The following SIMC1 variants were observed in gnomAD, a reference collection of about 807,000 sequenced individuals.
The protein encoded by SIMC1 is SUMO interacting motifs containing 1.
Under a neutral mutation model 82.3 loss-of-function variants are expected in SIMC1, and 55 were observed. The observed-to-expected ratio is 0.67, with a 90% CI of 0.54 to 0.84. The LOEUF is 0.84. SIMC1 is among the 40% of genes least tolerant of loss of function. The probability of loss-of-function intolerance (pLI) is 0.00; values close to 1 mark genes in which losing one functional copy is unlikely to be tolerated. For missense variants in SIMC1, 915 were observed against 1,107.2 expected (o/e 0.83, Z 2.46); for synonymous variants, 353 against 426.3 (o/e 0.83, Z 2.12).
chr5:176,264,590 C>T (rs990061439), intron 1 of SIMC1, among the ~76,000 whole-genome samples: 19 of 151,666 alleles, frequency 1.3e-4, no homozygotes, highest in Non-Finnish European at 2.2e-4. Flanking sequence ...GGCCTCTAGG[C>T]CTTTTTCCCA....
rs559129037 is a variant in SIMC1 at position 176,284,494 on chromosome 5, A to G, written c.130-5160A>G. Among the ~76,000 whole-genome samples the G allele has an allele frequency of 3.7e-3, 561 of 152,346 alleles. 3 individuals are homozygous for G. The highest frequency in any genetic ancestry group is 0.013 in the African/African-American group (533 of 41,584). On this transcript the variant is annotated intron_variant, in intron 1 of 9. Coordinates refer to ENST00000429602, the MANE Select transcript of SIMC1 (RefSeq NM_001308195.2). ...AAACCAATGAGAACAAAGACACAACATACCAGAATCTCTGGGATACATTTA... is the reference window on the plus strand; with the variant it reads ...AAACCAATGAGAACAAAGACACAACGTACCAGAATCTCTGGGATACATTTA...
At chr5:176,253,658 G>T (rs1761763688) in intron 1 of SIMC1, among the ~76,000 whole-genome samples, 1 of 152,128 alleles carries the variant, frequency 6.6e-6, no homozygotes, top group African/African-American at 2.4e-5. Context: ...GAGGTTTGGA[G>T]GGAGTAGCTC....
intron 5 of SIMC1, among the ~76,000 whole-genome samples, chr5:176,318,869 G>A (rs1765031414): frequency 6.6e-6 from 1 of 152,202 alleles, no homozygotes; most frequent in Non-Finnish European, 1.5e-5. Flanking sequence ...CACTTTGGGA[G>A]GCCGAGGTGG....
intron 5 of SIMC1, among the ~76,000 whole-genome samples, chr5:176,317,303 TTTTC>T (rs1370958357): frequency 6.6e-6 from 1 of 152,214 alleles, no homozygotes; most frequent in Non-Finnish European, 1.5e-5. Flanking sequence ...AGGGATTTTC[TTTTC>T]TTTCTTTCAT....
At position 176,313,846 on chromosome 5, in the gene SIMC1, G is replaced by T; in HGVS notation, c.1889+1G>T. 5.6e-6 allele frequency: 9 copies of T among 1,613,234 alleles called. No individual in the cohort carries two copies. Among genetic ancestry groups the T allele is most frequent in the Non-Finnish European group, 7.6e-6 (9 of 1,179,824 alleles). ...GTGACAAGCAGCCCCACAATGTCAG[G>T]TAAGCAGCCACCTGAGCCCTCGGAT... On this transcript the variant is annotated splice_donor_variant, in intron 5 of 9. Transcript: ENST00000429602. LOFTEE classifies it high-confidence loss of function.
rs146566202 is a variant in SIMC1 at position 176,291,628 on chromosome 5, G to A, written c.1431+673G>A. On this transcript the variant is annotated intron_variant, in intron 2 of 9. Transcript: ENST00000429602. ...TAGGATTACAGGCGTGAGCCACCGC[G>A]CCTGGCACGCCCGGCTAATTTTTTG... Among the ~76,000 whole-genome samples the A allele has an allele frequency of 4.6e-5, 7 of 151,696 alleles. No homozygotes were observed. The East Asian group carries it at 9.8e-4, about 21-fold the overall frequency.
chr5:176,316,174 C>T (rs1003506325), intron 5 of SIMC1, among the ~76,000 whole-genome samples: 11 of 151,784 alleles, frequency 7.2e-5, no homozygotes, highest in African/African-American at 2.7e-4. Context: ...GACTCTGTCT[C>T]AAAAGCAAAT....
Position 176,337,080 on chromosome 5 carries a change from C to T in SIMC1, c.2347C>T (p.Gln783Ter), listed in dbSNP as rs1765933726. The change falls in exon 9 of 10, where the codon CAG (glutamine) becomes TAG (stop). Residue 783 changes from glutamine to a stop codon, truncating the protein, a stop_gained. Coordinates refer to ENST00000429602, the MANE Select transcript of SIMC1 (RefSeq NM_001308195.2). LOFTEE classifies it high-confidence loss of function. ...TCTGCAGTCAGATAAAAGCCAGTGG[C>T]AGACTTGGGACGAATTGGTTGAGCA... ...LKCQSDKSQWQTWDELVEHLQ... is the reference protein window; with the variant it reads ...LKCQSDKSQW 1 of 1,613,866 alleles carries T rather than the reference C, an allele frequency of 6.2e-7. No individual in the cohort carries two copies. The highest frequency in any genetic ancestry group is 1.3e-5 in the African/African-American group (1 of 74,920).
At chr5:176,322,737 C>T (rs1472739637) in intron 6 of SIMC1, 4 of 239,388 alleles carry the variant, frequency 1.7e-5, no homozygotes, top group Admixed American at 5.0e-5. Flanking sequence ...AGGGTTACAG[C>T]TCCTCATCAC....
chr5:176,294,243 G>A (rs1020090703), intron 2 of SIMC1, among the ~76,000 whole-genome samples: 3 of 151,828 alleles, frequency 2.0e-5, no homozygotes, highest in Non-Finnish European at 4.4e-5. Flanking sequence ...CTTTATATGA[G>A]CTTTTTCCCA....
At chr5:176,344,837 A>G (rs542999409) in intron 9 of SIMC1, among the ~76,000 whole-genome samples, 35 of 152,322 alleles carry the variant, frequency 2.3e-4, no homozygotes, top group African/African-American at 8.2e-4. Context: ...TTTATTCATG[A>G]TCATACTCAT....
chr5:176,320,006 T>G (rs1293458420), intron 5 of SIMC1, among the ~76,000 whole-genome samples: 2 of 152,226 alleles, frequency 1.3e-5, no homozygotes, highest in Non-Finnish European at 2.9e-5. Flanking sequence ...ATTTCTCATT[T>G]CTAAGAAAAT....
At chr5:176,303,867 G>T (rs185655789) in intron 4 of SIMC1, among the ~76,000 whole-genome samples, 109 of 152,244 alleles carry the variant, frequency 7.2e-4, no homozygotes, top group Non-Finnish European at 1.4e-3. Flanking sequence ...ACTTGCAAAA[G>T]AATGAAGTTG....
chr5:176,328,287 G>T (rs1765477904), intron 7 of SIMC1, among the ~76,000 whole-genome samples: 1 of 151,950 alleles, frequency 6.6e-6, no homozygotes, highest in East Asian at 1.9e-4. Flanking sequence ...GTAAAAAAAT[G>T]ATAAAAATAT....
chr5:176,280,622 G>A (rs183632668), intron 1 of SIMC1, among the ~76,000 whole-genome samples: 2 of 152,020 alleles, frequency 1.3e-5, no homozygotes, highest in African/African-American at 4.8e-5. Context: ...CTCTTGTACG[G>A]CAGGCCTGGT....
At chr5:176,328,958 A>G (rs1390360098) in intron 7 of SIMC1, among the ~76,000 whole-genome samples, 2 of 152,162 alleles carry the variant, frequency 1.3e-5, no homozygotes, top group African/African-American at 4.8e-5. Context: ...TTCACAGGAA[A>G]TTGCAAAACC....
At chr5:176,325,074 C>T (rs543775031) in intron 7 of SIMC1, among the ~76,000 whole-genome samples, 2 of 152,218 alleles carry the variant, frequency 1.3e-5, no homozygotes, top group South Asian at 4.1e-4. Flanking sequence ...CAATTTTACT[C>T]TTCTTTCAAT....
chr5:176,293,704 T>C (rs1239141106), intron 2 of SIMC1, among the ~76,000 whole-genome samples: 1 of 150,480 alleles, frequency 6.6e-6, no homozygotes, highest in Non-Finnish European at 1.5e-5. Flanking sequence ...GCCATGATCA[T>C]GCCACTGTGT....
At chr5:176,277,812 C>G (rs1030034646) in intron 1 of SIMC1, among the ~76,000 whole-genome samples, 7 of 151,666 alleles carry the variant, frequency 4.6e-5, no homozygotes, top group Non-Finnish European at 7.4e-5. Flanking sequence ...ATCTATATCT[C>G]TGTTTTGGTA....
Sources: allele counts gnomAD v4.1 joint callset (sites outside exome capture counted in the v4.1 genomes callset), GRCh38; gene constraint gnomAD v4.1.1; transcripts MANE v1.5; gene names NCBI Gene and HGNC (gene_info 2026-07-23, HGNC 2026-07-21).